Variants in COMMD10 observed in about 807,000 individuals in gnomAD.
COMMD10 encodes COMM domain-containing protein 10.
Under a neutral mutation model 28.9 loss-of-function variants are expected in COMMD10, and 33 were observed. That is an observed-to-expected ratio of 1.14 (90% CI 0.87 to 1.53). COMMD10 has a LOEUF of 1.53. Among genes scored for constraint, COMMD10 ranks in the 40% most tolerant of loss-of-function variants. The pLI is 0.00. For missense variants in COMMD10, 310 were observed against 233.4 expected (o/e 1.33, Z -2.14); for synonymous variants, 110 against 81.7 (o/e 1.35, Z -1.87).
At chr5:116,217,459 C>G (rs184691620) in intron 5 of COMMD10, among the ~76,000 whole-genome samples, 1 of 152,200 alleles carries the variant, frequency 6.6e-6, no homozygotes. Context: ...CAACTTTTCA[C>G]AAGCTGACCC....
chr5:116,227,760 G>A (rs907112433), intron 5 of COMMD10, among the ~76,000 whole-genome samples: 9 of 152,136 alleles, frequency 5.9e-5, no homozygotes, highest in East Asian at 1.9e-4. Context: ...TTAGAAGCAA[G>A]GAATGTTAAA....
intron 5 of COMMD10, among the ~76,000 whole-genome samples, chr5:116,245,655 C>T (rs1749929792): frequency 6.6e-6 from 1 of 152,118 alleles, no homozygotes; most frequent in South Asian, 2.1e-4. Flanking sequence ...ATCAAGTAGG[C>T]TTTATCCCTG....
In COMMD10 at chr5:116,158,580, G is replaced by T. The variant is rs896829425; in HGVS notation, c.510+24402G>T. Among the ~76,000 whole-genome samples the T allele has an allele frequency of 2.1e-5, 3 of 144,452 alleles. No homozygotes were observed. In the Admixed American group the frequency reaches 2.1e-4, roughly 10 times the overall value. 94.8% of individuals were successfully genotyped at this position (144,452 alleles called of 152,430 possible). Reference sequence around the variant, plus strand: ...CAGCCTTGATCTCTTAGGTTCAAGCGATCCTCTGGCTTAAGCCTCTCAAAG... The same window carrying T: ...CAGCCTTGATCTCTTAGGTTCAAGCTATCCTCTGGCTTAAGCCTCTCAAAG... On this transcript the variant is annotated intron_variant, in intron 5 of 6. Coordinates refer to ENST00000274458, the MANE Select transcript of COMMD10 (RefSeq NM_016144.4).
intron 5 of COMMD10, among the ~76,000 whole-genome samples, chr5:116,162,747 TGAGAAACCTAAGTGTTTTA>T (rs1752958546): frequency 6.6e-6 from 1 of 152,220 alleles, no homozygotes; most frequent in South Asian, 2.1e-4. Flanking sequence ...GAGATTAAGT[TGAGAAACCTAAGTGTTTTA>T]GAGACATAGT....
intron 6 of COMMD10, 149 bp from the exon 7 acceptor site, chr5:116,292,302 G>C (rs1751385158): frequency 1.2e-5 from 5 of 432,068 alleles, no homozygotes; most frequent in Non-Finnish European, 2.0e-5. Context: ...AATATTCTAA[G>C]TGGTAATTTT....
At chr5:116,171,448 T>C (rs545844803) in intron 5 of COMMD10, among the ~76,000 whole-genome samples, 1 of 152,214 alleles carries the variant, frequency 6.6e-6, no homozygotes, top group Admixed American at 6.5e-5. Context: ...GAACCAGAAA[T>C]ACCATTTGAT....
intron 5 of COMMD10, among the ~76,000 whole-genome samples, chr5:116,168,206 A>G (rs1356291725): frequency 6.6e-6 from 1 of 151,704 alleles, no homozygotes; most frequent in Non-Finnish European, 1.5e-5. Flanking sequence ...GATAAAACAG[A>G]CTTTAAAGCA....
intron 5 of COMMD10, among the ~76,000 whole-genome samples, chr5:116,205,363 A>G (rs1748785418): frequency 1.3e-5 from 2 of 152,194 alleles, no homozygotes; most frequent in East Asian, 1.9e-4. Context: ...AATCTTAATT[A>G]GTATACTACC....
chr5:116,197,903 C>T (rs1451278852), intron 5 of COMMD10, among the ~76,000 whole-genome samples: 1 of 152,122 alleles, frequency 6.6e-6, no homozygotes, highest in African/African-American at 2.4e-5. Context: ...ATACTAAGTG[C>T]AGATTCACAG....
In COMMD10 at chr5:116,110,612, T is replaced by C. The variant is rs375884448; in HGVS notation, c.399+17912T>C. On this transcript the variant is annotated intron_variant, in intron 4 of 6. Transcript: ENST00000274458. ...GGGAGGTTGTGTATTAGTCTGTTCT[T>C]ACATTGCTACACAGAAATACCTGTG... Among the ~76,000 whole-genome samples the C allele has an allele frequency of 7.2e-5, 11 of 152,294 alleles. No individual in the cohort carries two copies. The East Asian group carries it at 2.1e-3, about 29-fold the overall frequency.
chr5:116,096,590 T>G (rs2112716944), intron 4 of COMMD10, among the ~76,000 whole-genome samples: 2 of 152,240 alleles, frequency 1.3e-5, no homozygotes, highest in South Asian at 4.1e-4. Context: ...TTTTCTTGCT[T>G]TATTTTACTG....
rs1462080733 is a variant in COMMD10, at chr5:116,269,252, A to G, written c.511-22265A>G. Among the ~76,000 whole-genome samples the G allele has an allele frequency of 2.0e-5, 3 of 151,874 alleles. 1 individual carries two copies. The highest frequency in any genetic ancestry group is 7.3e-5 in the African/African-American group (3 of 41,168). ...ATACACTTTATTTCAAAGTACTGAA[A>G]TAGTGTTTTATGATCATAGTATTTC... On this transcript the variant is annotated intron_variant, in intron 5 of 6. Transcript: ENST00000274458.
intron 5 of COMMD10, among the ~76,000 whole-genome samples, chr5:116,214,258 T>C (rs1580554245): frequency 6.6e-6 from 1 of 152,188 alleles, no homozygotes; most frequent in East Asian, 1.9e-4. Context: ...TTTGTCTTCA[T>C]TAATGTTTCT....
intron 5 of COMMD10, among the ~76,000 whole-genome samples, chr5:116,155,566 A>G (rs1179044769): frequency 1.3e-5 from 2 of 152,136 alleles, no homozygotes; most frequent in East Asian, 1.9e-4. Context: ...CTGGTAAGAA[A>G]AAGAGAGGAT....
intron 5 of COMMD10, among the ~76,000 whole-genome samples, chr5:116,207,755 G>A (rs1190269609): frequency 6.6e-6 from 1 of 152,116 alleles, no homozygotes; most frequent in Non-Finnish European, 1.5e-5. Context: ...CTAACTCCCA[G>A]TGATCCACCT....
intron 5 of COMMD10, among the ~76,000 whole-genome samples, chr5:116,138,356 A>G (rs1752092088): frequency 6.6e-6 from 1 of 151,906 alleles, no homozygotes; most frequent in Non-Finnish European, 1.5e-5. Flanking sequence ...TGGCTCTATT[A>G]GGTTATGATG....
At chr5:116,210,924 G>C (rs1561669007) in intron 5 of COMMD10, among the ~76,000 whole-genome samples, 1 of 151,972 alleles carries the variant, frequency 6.6e-6, no homozygotes, top group African/African-American at 2.4e-5. Flanking sequence ...CTCTAGAAAA[G>C]ATAATAATAA....
chr5:116,148,395 C>T (rs554355482), intron 5 of COMMD10, among the ~76,000 whole-genome samples: 26 of 151,804 alleles, frequency 1.7e-4, no homozygotes, highest in African/African-American at 5.3e-4. Flanking sequence ...AGAGTAGATA[C>T]GAAGTTTCTT....
chr5:116,134,540 T>C (rs993666497), intron 5 of COMMD10, among the ~76,000 whole-genome samples: 4 of 152,232 alleles, frequency 2.6e-5, no homozygotes, highest in African/African-American at 9.6e-5. Flanking sequence ...ACAATAAATA[T>C]GATGGTGACC....
Sources: gnomAD v4.1 joint callset for allele counts (sites outside exome capture counted in the v4.1 genomes callset) on GRCh38, gnomAD v4.1.1 for gene constraint, MANE v1.5 for transcripts, NCBI Gene and HGNC (gene_info 2026-07-23, HGNC 2026-07-21) for gene names.